MARK3: variants seen among roughly 807,000 people sequenced by gnomAD.
The protein encoded by MARK3 is microtubule affinity regulating kinase 3, also known as MAP/microtubule affinity-regulating kinase 3.
MARK3 carries 46 observed loss-of-function variants against 90.1 expected under a neutral mutation model. The observed-to-expected ratio is 0.51, with a 90% confidence interval of 0.40 to 0.65. The LOEUF (loss-of-function observed/expected upper bound fraction) is 0.65, where lower values mean the gene tolerates loss of function less well. Ranked by LOEUF, MARK3 falls within the 30% of genes least tolerant of loss-of-function variation. The pLI, the probability that MARK3 is intolerant of heterozygous loss-of-function variation, is 0.00. For synonymous variants in MARK3, 321 were observed against 332.6 expected, an observed-to-expected ratio of 0.97 and a Z score of 0.38; for missense variants, 818 against 947.2, an observed-to-expected ratio of 0.86 and a Z score of 1.79.
chr14:103,499,505 A>G (rs1366476046), intron 16 of MARK3: 2 of 152,208 alleles, frequency 1.3e-5, no homozygotes, highest in Non-Finnish European at 2.9e-5. Context: ...AACCAAAAAT[A>G]TTGCTTTCTT....
At chr14:103,489,096 C>T (rs1006981344) in intron 14 of MARK3, among the ~76,000 whole-genome samples, 1 of 152,220 alleles carries the variant, frequency 6.6e-6, no homozygotes, top group African/African-American at 2.4e-5. Context: ...ATGTGGCATG[C>T]ATGAGCTAAA....
intron 2 of MARK3, among the ~76,000 whole-genome samples, chr14:103,427,049 ATCTC>A (rs916340877): frequency 6.0e-5 from 9 of 151,014 alleles, no homozygotes; most frequent in African/African-American, 7.3e-5. Flanking sequence ...TCTGTGTATA[ATCTC>A]TCTCTCTCTC....
At chr14:103,483,045 T>C (rs761386182) in intron 14 of MARK3, among the ~76,000 whole-genome samples, 1 of 152,194 alleles carries the variant, frequency 6.6e-6, no homozygotes, top group East Asian at 1.9e-4. Context: ...GGAAAATTAT[T>C]GGGTTTAACT....
chr14:103,429,376 G>A (rs2092510919), intron 3 of MARK3: 1 of 152,214 alleles, frequency 6.6e-6, no homozygotes, highest in Non-Finnish European at 1.5e-5. Context: ...TGATGGATGT[G>A]AGTATTAATG....
intron 1 of MARK3, among the ~76,000 whole-genome samples, chr14:103,393,926 G>T (rs939648831): frequency 1.3e-5 from 2 of 152,074 alleles, no homozygotes; most frequent in Non-Finnish European, 2.9e-5. Flanking sequence ...TAGGGATGGG[G>T]TTTCACCATG....
intron 3 of MARK3, among the ~76,000 whole-genome samples, chr14:103,438,555 G>A (rs1487773357): frequency 6.6e-6 from 1 of 152,162 alleles, no homozygotes; most frequent in Non-Finnish European, 1.5e-5. Context: ...AATCTGATAA[G>A]TTAATTTTGT....
intron 13 of MARK3, among the ~76,000 whole-genome samples, chr14:103,479,542 G>A (rs935707012): frequency 6.7e-6 from 1 of 149,090 alleles, no homozygotes; most frequent in Non-Finnish European, 1.5e-5. Flanking sequence ...CAGGTATGAA[G>A]TAGTACCTCA....
rs34861063 is a variant in MARK3 at position 103,400,898 on chromosome 14, CAAAAAA to C, written c.52-4163_52-4158del. 4.7e-3 allele frequency among the ~76,000 whole-genome samples: 328 copies of C among 70,038 alleles called. 1 individual carries two copies. Among genetic ancestry groups the C allele is most frequent in the African/African-American group, 0.017 (316 of 18,066 alleles). The allele number at this position is 70,038 out of a possible 152,430, so 45.9% of individuals were successfully genotyped here. On this transcript the variant is annotated intron_variant, in intron 1 of 17. Transcript: ENST00000429436. ...TGGGCAACAGAACGAGACCCTGTCTCAAAAAAAAAAAAAAAAAAAAGTTATCAAAGA... is the reference window on the plus strand; with the variant it reads ...TGGGCAACAGAACGAGACCCTGTCTCAAAAAAAAAAAAAAGTTATCAAAGA...
In MARK3 at chr14:103,500,039, GTGTT is replaced by G. The variant is rs1455293376; in HGVS notation, c.1872-115_1872-112del. The stretch of plus-strand genomic sequence containing the variant: ...CATAAGCCCGGCTGGTGTTTAAAAC[GTGTT>G]TTGGCTTTGTTCATTTTATGGTGTT... On this transcript the variant is annotated intron_variant, in intron 16 of 17. Transcript: ENST00000429436. The G allele has an allele frequency of 8.9e-6, 7 of 784,362 alleles. No individual in the cohort carries two copies. In the African/African-American group the frequency reaches 1.2e-4, roughly 14 times the overall value. The allele number at this position is 784,362 out of a possible 1,614,324, so 48.6% of individuals were successfully genotyped here. A position where few individuals can be genotyped will look rare whatever the true frequency, so the allele number is the denominator to read the frequency against.
In MARK3 at chr14:103,457,315, G is replaced by A. The variant is rs571285210; in HGVS notation, c.483+103G>A. ...TCCATAAATGCTTATAAGGCCTGTT[G>A]GATGGCAGGGGTTGGCCATTCAATT... is the stretch of plus-strand genomic sequence containing the variant. On this transcript the variant is annotated intron_variant, in intron 6 of 17. Transcript: ENST00000429436. The A allele has an allele frequency of 1.3e-5, 10 of 797,424 alleles. No homozygotes were observed. In the East Asian group the frequency reaches 2.3e-4, roughly 18 times the overall value. 49.4% of individuals were successfully genotyped at this position (797,424 alleles called of 1,614,324 possible).
chr14:103,465,417 T>C, intron 7 of MARK3, 140 bp from the exon 8 acceptor site: 3 of 621,522 alleles, frequency 4.8e-6, no homozygotes, highest in Non-Finnish European at 8.5e-6. Flanking sequence ...CCTGTTTTTT[T>C]CTCTAGAAAG....
Position 103,452,471 on chromosome 14 carries a change from C to CTTTTTTTTTTTTTTTT in MARK3, c.412+491_412+506dup, listed in dbSNP as rs71126026. 1.6e-4 allele frequency among the ~76,000 whole-genome samples: 16 copies of CTTTTTTTTTTTTTTTT among 97,478 alleles called. 2 individuals carry two copies. Among genetic ancestry groups the CTTTTTTTTTTTTTTTT allele is most frequent in the African/African-American group, 2.2e-4 (7 of 31,474 alleles). The allele number at this position is 97,478 out of a possible 152,430, so 63.9% of individuals were successfully genotyped here. ...ACAAGTGGAATTTTACAGGATTTGT[C>CTTTTTTTTTTTTTTTT]TTTTTTTTTTTTTTTTTTGAGACGG... On this transcript the variant is annotated intron_variant, in intron 5 of 17. Coordinates refer to ENST00000429436, the MANE Select transcript of MARK3 (RefSeq NM_001128918.3).
chr14:103,470,453 C>CTTTTTTTTT (rs1555396272), intron 12 of MARK3, among the ~76,000 whole-genome samples: 1 of 24,186 alleles, frequency 4.1e-5, no homozygotes, highest in African/African-American at 1.2e-4. Flanking sequence ...GGAACTAAAT[C>CTTTTTTTTT]TATTTTTTTT....
chr14:103,395,130 C>G (rs1206059282), intron 1 of MARK3, among the ~76,000 whole-genome samples: 1 of 152,020 alleles, frequency 6.6e-6, no homozygotes, highest in African/African-American at 2.4e-5. Context: ...AGAGTCTGGG[C>G]TTGAAAGTGG....
At chr14:103,429,686 A>G (rs896518358) in intron 3 of MARK3, among the ~76,000 whole-genome samples, 1 of 152,240 alleles carries the variant, frequency 6.6e-6, no homozygotes, top group Non-Finnish European at 1.5e-5. Context: ...TGTCCTGAAG[A>G]GTAAATTTTA....
At chr14:103,392,415 G>C (rs1403908292) in intron 1 of MARK3, among the ~76,000 whole-genome samples, 1 of 152,164 alleles carries the variant, frequency 6.6e-6, no homozygotes, top group Non-Finnish European at 1.5e-5. Flanking sequence ...CCTACCCCTA[G>C]ACCTTGATTT....
intron 17 of MARK3, 37 bp downstream of exon 17, chr14:103,500,237 G>C: frequency 6.7e-7 from 1 of 1,502,872 alleles, no homozygotes; most frequent in South Asian, 1.2e-5. Context: ...TTTTTTTCAG[G>C]TGTTTACTTC....
At chr14:103,476,575 T>A (rs1427067945) in intron 13 of MARK3, among the ~76,000 whole-genome samples, 1 of 152,234 alleles carries the variant, frequency 6.6e-6, no homozygotes, top group African/African-American at 2.4e-5. Context: ...TTGAAGTATG[T>A]TCTATCTAAC....
rs1251715781 is a variant in MARK3, at chr14:103,503,500, G to A, written c.*273G>A. ...CTCCATGTGCCTCCCGTCTGGGTGGGTGTGAGAGTGGACGGTATGTGTGTG... is the reference window on the plus strand; with the variant it reads ...CTCCATGTGCCTCCCGTCTGGGTGGATGTGAGAGTGGACGGTATGTGTGTG... On this transcript the variant is annotated 3_prime_UTR_variant, in exon 18 of 18. Transcript: ENST00000429436. The A allele has an allele frequency of 4.3e-6, 2 of 466,714 alleles. No homozygotes were observed. Among genetic ancestry groups the A allele is most frequent in the Admixed American group, 3.8e-5 (1 of 26,220 alleles). The allele number at this position is 466,714 out of a possible 1,614,324, so 28.9% of individuals were successfully genotyped here.
Sources: gnomAD v4.1 joint callset for allele counts (sites outside exome capture counted in the v4.1 genomes callset) on GRCh38, gnomAD v4.1.1 for gene constraint, MANE v1.5 for transcripts, NCBI Gene and HGNC (gene_info 2026-07-23, HGNC 2026-07-21) for gene names.